The following SF3B1 variants were observed in gnomAD, a reference collection of about 807,000 sequenced individuals.
SF3B1 encodes splicing factor 3b subunit 1.
A neutral mutation model predicts 153.8 loss-of-function variants in SF3B1; 12 were observed. The ratio of observed to expected loss-of-function variants is 0.08; its 90% CI spans 0.05 to 0.13. The LOEUF (loss-of-function observed/expected upper bound fraction) is 0.13, where lower values mean the gene tolerates loss of function less well. Ranked by LOEUF, SF3B1 falls within the 10% of genes least tolerant of loss-of-function variation. SF3B1 has a pLI of 1.00. For synonymous variants in SF3B1, 498 were observed against 525.2 expected (o/e 0.95, Z 0.71); for missense variants, 513 against 1,606.1 (o/e 0.32, Z 11.63).
chr2:197,428,928 G>A (rs1002307319), intron 1 of SF3B1, among the ~76,000 whole-genome samples: 8 of 151,614 alleles, frequency 5.3e-5, no homozygotes, highest in Non-Finnish European at 8.8e-5. Flanking sequence ...CCAAGATCAC[G>A]CCACTGCACT....
chr2:197,392,852 A>G, intron 24 of SF3B1, 120 bp downstream of exon 24: 3 of 647,988 alleles, frequency 4.6e-6, no homozygotes, highest in Non-Finnish European at 8.1e-6. Context: ...GGTGCAGCAA[A>G]CCACCATGGC....
intron 1 of SF3B1, among the ~76,000 whole-genome samples, chr2:197,426,829 A>T (rs906052048): frequency 1.3e-5 from 2 of 152,054 alleles, no homozygotes; most frequent in African/African-American, 4.8e-5. Context: ...TCCAATTTAG[A>T]GCATCATTTT....
chr2:197,409,712 A>G lies in SF3B1; in HGVS notation c.904+58T>C, dbSNP rs2085040957. The G allele has an allele frequency of 3.1e-6, 4 of 1,297,318 alleles. No homozygotes were observed. In the Admixed American group the frequency reaches 6.9e-5, roughly 22 times the overall value. 80.4% of individuals were successfully genotyped at this position (1,297,318 alleles called of 1,614,324 possible). ...CCCAGGAATAAACAGAACACATTTC[A>G]GTCTGTAAACATATCACTCAACATT... On this transcript the variant is annotated intron_variant, in intron 7 of 24. Transcript: ENST00000335508.
At chr2:197,426,485 G>T (rs1559279070) in intron 1 of SF3B1, among the ~76,000 whole-genome samples, 1 of 151,810 alleles carries the variant, frequency 6.6e-6, no homozygotes. Context: ...TAAACCACAG[G>T]TGCATTTATC....
At chr2:197,405,011 C>G in intron 11 of SF3B1, 65 bp downstream of exon 11, 1 of 1,175,130 alleles carries the variant, frequency 8.5e-7, no homozygotes, top group Non-Finnish European at 1.2e-6. Flanking sequence ...TCTACAAAAA[C>G]TACAAATTTT....
chr2:197,416,572 G>A, intron 6 of SF3B1, 169 bp downstream of exon 6: 1 of 569,018 alleles, frequency 1.8e-6, no homozygotes, highest in Non-Finnish European at 3.1e-6. Flanking sequence ...CAACCCTGTT[G>A]GCACTCTGAT....
chr2:197,425,612 C>A (rs1471019248), intron 1 of SF3B1, among the ~76,000 whole-genome samples: 3 of 151,988 alleles, frequency 2.0e-5, no homozygotes, highest in African/African-American at 7.2e-5. Context: ...CTCTATAGTT[C>A]CTCAAGATAG....
chr2:197,405,268 C>T lies in SF3B1; in HGVS notation c.1437+7G>A. The T allele has an allele frequency of 6.2e-7, 1 of 1,603,096 alleles. No individual in the cohort carries two copies. The highest frequency in any genetic ancestry group is 8.5e-7 in the Non-Finnish European group (1 of 1,170,320). On this transcript the variant is annotated splice_region_variant and intron_variant, in intron 10 of 24. Coordinates refer to ENST00000335508, the MANE Select transcript of SF3B1 (RefSeq NM_012433.4). ...ATTAATAGTTTATTTCTGCTAGTAT[C>T]ACTTACCAATAGTTTATCAAAGTAT...
Position 197,392,169 on chromosome 2 carries a change from G to A in SF3B1, c.*134C>T. The A allele has an allele frequency of 2.1e-6, 1 of 469,752 alleles. No individual in the cohort carries two copies. The highest frequency in any genetic ancestry group is 3.8e-6 in the Non-Finnish European group (1 of 264,674). 29.1% of individuals were successfully genotyped at this position (469,752 alleles called of 1,614,324 possible). A position where few individuals can be genotyped will look rare whatever the true frequency, so the allele number is the denominator to read the frequency against. ...CAAAGACAGGTTATTTAAAAATCAT[G>A]CTACTGGATTTCTAGCTCTTCCTCT... On this transcript the variant is annotated 3_prime_UTR_variant, in exon 25 of 25. Coordinates refer to ENST00000335508, the MANE Select transcript of SF3B1 (RefSeq NM_012433.4).
intron 1 of SF3B1, among the ~76,000 whole-genome samples, chr2:197,427,312 T>C (rs1377340886): frequency 6.6e-6 from 1 of 152,230 alleles, no homozygotes; most frequent in African/African-American, 2.4e-5. Flanking sequence ...TCAGGCATTG[T>C]TTTCTGTCTG....
At chr2:197,408,694 A>G in intron 7 of SF3B1, 113 bp from the exon 8 acceptor site, 1 of 758,452 alleles carries the variant, frequency 1.3e-6, no homozygotes. Flanking sequence ...GAATATTCCT[A>G]AAATGGTGAC....
chr2:197,412,017 T>C (rs13393300), intron 6 of SF3B1, among the ~76,000 whole-genome samples: 1 of 147,664 alleles, frequency 6.8e-6, no homozygotes, highest in Non-Finnish European at 1.5e-5. Flanking sequence ...GGGTGAGGCA[T>C]GAGAATTGCC....
In SF3B1 at chr2:197,409,777, T is replaced by C. The variant is rs1396257093; in HGVS notation, c.897A>G (p.Thr299=). 6.2e-7 allele frequency: 1 copy of C among 1,612,590 alleles called. No individual in the cohort carries two copies. Among genetic ancestry groups the C allele is most frequent in the Admixed American group, 1.7e-5 (1 of 60,006 alleles). ...RKNRWDETPK[T]ERDTPGHGSG... ...ATACTCCACTAGAAGTACCTCTCTC[T>C]GTTTTGGGGGTTTCATCCCATCTGT... is the stretch of plus-strand genomic sequence containing the variant. The change falls in exon 7 of 25, where the codon ACA becomes ACG. Residue 299 remains threonine, a synonymous_variant. Coordinates refer to ENST00000335508, the MANE Select transcript of SF3B1 (RefSeq NM_012433.4).
rs533911036 is a variant in SF3B1 at position 197,390,174 on chromosome 2, C to T, written c.*2129G>A. On this transcript the variant is annotated 3_prime_UTR_variant, in exon 25 of 25. Coordinates refer to ENST00000335508, the MANE Select transcript of SF3B1 (RefSeq NM_012433.4). ...ATAGCTTTCACTACTTCCCTCCTCT[C>T]TATCCTCAAATTATTTGCATCAGTA... The T allele has an allele frequency of 2.6e-5, 4 of 152,316 alleles. No individual in the cohort carries two copies. In the East Asian group the frequency reaches 7.7e-4, roughly 29 times the overall value. 9.4% of individuals were successfully genotyped at this position (152,316 alleles called of 1,614,324 possible).
intron 4 of SF3B1, 146 bp from the exon 5 acceptor site, chr2:197,418,734 T>A: frequency 6.9e-7 from 1 of 1,451,456 alleles, no homozygotes; most frequent in East Asian, 2.5e-5. Context: ...TAATTATACA[T>A]CTTACTTTTT....
chr2:197,416,647 G>C, intron 6 of SF3B1, 94 bp downstream of exon 6: 1 of 1,071,226 alleles, frequency 9.3e-7, no homozygotes, highest in Non-Finnish European at 1.3e-6. Context: ...CACCCAGTCT[G>C]TGGTATCTTG....
intron 4 of SF3B1, chr2:197,420,074 G>A (rs1232200383): frequency 3.9e-6 from 1 of 259,604 alleles, no homozygotes; most frequent in Non-Finnish European, 7.3e-6. Context: ...TAAAAATCTA[G>A]GATTTGGAAT....
At chr2:197,418,107 A>G (rs2085179947) in intron 5 of SF3B1, among the ~76,000 whole-genome samples, 1 of 151,582 alleles carries the variant, frequency 6.6e-6, no homozygotes, top group African/African-American at 2.4e-5. Context: ...ATGGTGACAC[A>G]CACTTGTGTT....
At chr2:197,424,100 C>CA in intron 1 of SF3B1, 126 bp from the exon 2 acceptor site, 1 of 805,106 alleles carries the variant, frequency 1.2e-6, no homozygotes, top group Admixed American at 3.0e-5. Context: ...ATAATTGCAC[C>CA]ATATAAGAGA....
Sources: gnomAD v4.1 joint callset for allele counts (sites outside exome capture counted in the v4.1 genomes callset) on GRCh38, gnomAD v4.1.1 for gene constraint, MANE v1.5 for transcripts, NCBI Gene and HGNC (gene_info 2026-07-23, HGNC 2026-07-21) for gene names.